Variants in GLYATL1 observed in about 807,000 individuals in gnomAD.
The protein encoded by GLYATL1 is glycine N-acyltransferase-like protein 1.
GLYATL1 carries 15 observed loss-of-function variants against 20.0 expected under a neutral mutation model. The observed-to-expected ratio is 0.75, with a 90% CI of 0.50 to 1.15. The LOEUF (loss-of-function observed/expected upper bound fraction) is 1.15, where lower values mean the gene tolerates loss of function less well. Ranked by LOEUF, GLYATL1 falls within the 50% of genes most tolerant of loss-of-function variation. GLYATL1 has a pLI of 0.00. For synonymous variants in GLYATL1, 151 were observed against 131.5 expected (o/e 1.15, Z -1.01); for missense variants, 380 against 368.5 (o/e 1.03, Z -0.26).
At position 58,956,368 on chromosome 11, in the gene GLYATL1, A is replaced by C. The variant is rs950002343; in HGVS notation, c.*341A>C. ...GTTAATAGAATCTACTATCTGGAAGATAAATGAAGGATTTTAATAAAATTT... is the reference window on the plus strand; with the variant it reads ...GTTAATAGAATCTACTATCTGGAAGCTAAATGAAGGATTTTAATAAAATTT... On this transcript the variant is annotated 3_prime_UTR_variant, in exon 7 of 7. Transcript: ENST00000532726. 4.0e-6 allele frequency: 1 copy of C among 251,148 alleles called. No homozygotes were observed. The highest frequency in any genetic ancestry group is 7.7e-6 in the Non-Finnish European group (1 of 129,888). 15.6% of individuals were successfully genotyped at this position (251,148 alleles called of 1,614,324 possible).
chr11:58,917,511 C>A (rs925014500), intron 1 of GLYATL1, among the ~76,000 whole-genome samples: 2 of 152,218 alleles, frequency 1.3e-5, no homozygotes, highest in African/African-American at 4.8e-5. Flanking sequence ...GGCAGTTAAT[C>A]AAGTTGTGAC....
chr11:58,951,368 GTT>G (rs1315578802), intron 4 of GLYATL1, among the ~76,000 whole-genome samples: 2 of 151,878 alleles, frequency 1.3e-5, no homozygotes, highest in East Asian at 3.8e-4. Flanking sequence ...TTTTGTATCT[GTT>G]TCTGTATTTT....
At chr11:58,911,596 T>A (rs1267757085), downstream of GLYATL1, among the ~76,000 whole-genome samples, 1 of 152,234 alleles carries the variant, frequency 6.6e-6, no homozygotes, top group South Asian at 2.1e-4. Flanking sequence ...TGTTCTTATA[T>A]CATCCACATA....
chr11:58,950,648 C>T (rs1434680300), intron 4 of GLYATL1, among the ~76,000 whole-genome samples: 1 of 152,158 alleles, frequency 6.6e-6, no homozygotes, highest in East Asian at 1.9e-4. Flanking sequence ...GCCAAATTAC[C>T]TTCCCAAAGG....
chr11:58,955,214 A>C lies in GLYATL1; in HGVS notation c.352A>C (p.Thr118Pro), dbSNP rs765890107. ...TTTAGGTGAGGGGATAAGAGTGGCT[A>C]CATTTTCAAAGTCAGTGAAAGTAGA... The part of the protein sequence containing the change: ...ESLGEGIRVA[T>P]FSKSVKVEHS... The change falls in exon 6 of 7, where the codon ACA becomes CCA. Residue 118 changes from threonine (T) to proline (P), a missense_variant. Thr to Pro is a conservative substitution (Grantham distance 38). Coordinates refer to ENST00000532726, the MANE Select transcript of GLYATL1 (RefSeq NM_001389712.2). The C allele has an allele frequency of 6.2e-7, 1 of 1,613,616 alleles. No homozygotes were observed. Among genetic ancestry groups the C allele is most frequent in the Admixed American group, 1.7e-5 (1 of 59,992 alleles).
downstream of GLYATL1, among the ~76,000 whole-genome samples, chr11:58,910,532 T>A (rs1364622387): frequency 6.6e-6 from 1 of 152,200 alleles, no homozygotes; most frequent in Non-Finnish European, 1.5e-5. Context: ...ACAATACAGA[T>A]GTAGAACATT....
chr11:58,925,815 A>G (rs1038064120), upstream of GLYATL1, among the ~76,000 whole-genome samples: 3 of 152,146 alleles, frequency 2.0e-5, no homozygotes, highest in Admixed American at 6.5e-5. Flanking sequence ...CTTTACCTAT[A>G]TTCCCCTTTT....
chr11:58,906,925 G>A (rs1159704227), intron 1 of GLYATL1, among the ~76,000 whole-genome samples: 1 of 152,094 alleles, frequency 6.6e-6, no homozygotes, highest in Non-Finnish European at 1.5e-5. Context: ...GCTACACCCC[G>A]ACATACTGAA....
At chr11:58,947,225 C>A in intron 3 of GLYATL1, 60 bp downstream of exon 3, 1 of 1,567,292 alleles carries the variant, frequency 6.4e-7, no homozygotes, top group Non-Finnish European at 8.6e-7. Flanking sequence ...GAGAAAATAG[C>A]AGGCTTGTGA....
In GLYATL1 at chr11:58,955,796, T is replaced by C. The variant is rs754734542; in HGVS notation, c.678T>C (p.Ser226=). 6.2e-7 allele frequency: 1 copy of C among 1,614,192 alleles called. No homozygotes were observed. Among genetic ancestry groups the C allele is most frequent in the Non-Finnish European group, 8.5e-7 (1 of 1,180,036 alleles). Residue 226 remains serine, a synonymous_variant, in exon 7 of 7, where the codon TCT becomes TCC. Coordinates refer to ENST00000532726, the MANE Select transcript of GLYATL1 (RefSeq NM_001389712.2). ...TCTCATGGGTAACCATGGACCCTTC[T>C]TGTGAAGTAGGAATGGCCTACAGCA... ...VPVSWVTMDP[S]CEVGMAYSME... is the part of the protein sequence containing the mutation.
chr11:58,916,026 T>C (rs1336273446), intron 1 of GLYATL1, among the ~76,000 whole-genome samples: 1 of 152,224 alleles, frequency 6.6e-6, no homozygotes, highest in Non-Finnish European at 1.5e-5. Context: ...GTTACAGATC[T>C]TGCTATACCT....
intron 6 of GLYATL1, 88 bp downstream of exon 6, chr11:58,955,441 A>G: frequency 7.2e-7 from 1 of 1,383,210 alleles, no homozygotes; most frequent in Non-Finnish European, 1.0e-6. Flanking sequence ...TGAAGAGAGG[A>G]TGAATTCATT....
At chr11:58,926,686 C>T (rs947238450), upstream of GLYATL1, among the ~76,000 whole-genome samples, 1 of 152,094 alleles carries the variant, frequency 6.6e-6, no homozygotes, top group Admixed American at 6.6e-5. Context: ...TTGATGATAT[C>T]GAGTCATAAC....
chr11:58,935,951 A>C (rs1028885947), upstream of GLYATL1, among the ~76,000 whole-genome samples: 23 of 152,226 alleles, frequency 1.5e-4, no homozygotes, highest in African/African-American at 5.3e-4. Flanking sequence ...TCTACAAAAA[A>C]ATAAATAAAC....
chr11:58,910,993 A>G (rs144689685), downstream of GLYATL1, among the ~76,000 whole-genome samples: 456 of 152,022 alleles, frequency 3.0e-3, 5 homozygotes, highest in African/African-American at 0.011. Context: ...TCCCCTATTC[A>G]CCCCAGTCCC....
chr11:58,948,053 A>G (rs1856707777), intron 4 of GLYATL1, 88 bp downstream of exon 4: 1 of 830,620 alleles, frequency 1.2e-6, no homozygotes. Context: ...CTGCTTTTAT[A>G]GGGTGAAAGG....
chr11:58,920,285 G>A (rs1465128659), intron 1 of GLYATL1, among the ~76,000 whole-genome samples: 1 of 152,128 alleles, frequency 6.6e-6, no homozygotes, highest in Non-Finnish European at 1.5e-5. Flanking sequence ...GAAAGAAAGA[G>A]TTCTCTTTCT....
intron 4 of GLYATL1, among the ~76,000 whole-genome samples, chr11:58,950,152 G>A (rs866226267): frequency 3.6e-4 from 54 of 149,142 alleles, no homozygotes; most frequent in Middle Eastern, 3.5e-3. Context: ...TTAGCCGGGC[G>A]TGGTGGCGGG....
chr11:58,955,134 A>C, intron 5 of GLYATL1, 42 bp from the exon 6 acceptor site: 1 of 1,576,724 alleles, frequency 6.3e-7, no homozygotes, highest in South Asian at 1.2e-5. Context: ...TAAGTAGAGA[A>C]CTCCATGTCT....
Sources: allele counts gnomAD v4.1 joint callset (sites outside exome capture counted in the v4.1 genomes callset), GRCh38; gene constraint gnomAD v4.1.1; transcripts MANE v1.5; gene names NCBI Gene and HGNC (gene_info 2026-07-23, HGNC 2026-07-21).